The following STXBP4 variants were observed in gnomAD, a reference collection of about 807,000 sequenced individuals.
STXBP4 encodes syntaxin-binding protein 4.
In STXBP4, 55 loss-of-function variants were observed where a neutral mutation model predicts 76.1. The ratio of observed to expected loss-of-function variants is 0.72; its 90% CI spans 0.58 to 0.91. The LOEUF (loss-of-function observed/expected upper bound fraction) is 0.91, where lower values mean the gene tolerates loss of function less well. STXBP4 is among the 40% of genes least tolerant of loss of function. The pLI, the probability that STXBP4 is intolerant of heterozygous loss-of-function variation, is 0.00. For synonymous variants in STXBP4, 201 were observed against 220.2 expected (o/e 0.91, Z 0.77); for missense variants, 618 against 636.9 (o/e 0.97, Z 0.32).
At chr17:55,107,648 G>A (rs868648507) in intron 16 of STXBP4, among the ~76,000 whole-genome samples, 4 of 152,226 alleles carry the variant, frequency 2.6e-5, no homozygotes, top group East Asian at 1.9e-4. Flanking sequence ...CTTTCTGTTC[G>A]TTAGTTTTCC....
At chr17:55,152,819 C>T (rs1273053853) in intron 17 of STXBP4, among the ~76,000 whole-genome samples, 1 of 152,090 alleles carries the variant, frequency 6.6e-6, no homozygotes, top group Non-Finnish European at 1.5e-5. Context: ...TATCATATGG[C>T]AAATACTTTA....
At chr17:55,132,838 A>G (rs2079987509) in intron 16 of STXBP4, among the ~76,000 whole-genome samples, 1 of 152,158 alleles carries the variant, frequency 6.6e-6, no homozygotes, top group African/African-American at 2.4e-5. Context: ...CAGACCCTGA[A>G]AGGAAATGAC....
intron 8 of STXBP4, among the ~76,000 whole-genome samples, chr17:55,027,233 C>T (rs1341012739): frequency 6.6e-6 from 1 of 152,194 alleles, no homozygotes; most frequent in Non-Finnish European, 1.5e-5. Flanking sequence ...AGAGCACGGA[C>T]TTGCCTGACC....
intron 16 of STXBP4, among the ~76,000 whole-genome samples, chr17:55,086,659 CCA>C (rs2079336230): frequency 6.6e-6 from 1 of 152,076 alleles, no homozygotes; most frequent in South Asian, 2.1e-4. Context: ...TTTTCCTTAT[CCA>C]TTCGTCTGTT....
intron 17 of STXBP4, among the ~76,000 whole-genome samples, chr17:55,146,433 C>T (rs562372125): frequency 1.5e-3 from 235 of 152,142 alleles, no homozygotes; most frequent in African/African-American, 4.0e-3. Flanking sequence ...TTAGTGAGGC[C>T]GGGCGTGGTG....
chr17:55,200,863 AAAAT>A, the STXBP4 span, among the ~76,000 whole-genome samples: 1 of 152,192 alleles, frequency 6.6e-6, no homozygotes, highest in Non-Finnish European at 1.5e-5. Context: ...TTAGAAACAA[AAAAT>A]AAACCATAAA....
the STXBP4 span, among the ~76,000 whole-genome samples, chr17:55,184,055 G>A: frequency 5.3e-5 from 8 of 151,872 alleles, no homozygotes; most frequent in African/African-American, 1.9e-4. Flanking sequence ...ACATGAAGTA[G>A]TTATAAAACT....
At chr17:55,192,591 G>A in the STXBP4 span, among the ~76,000 whole-genome samples, 12 of 152,282 alleles carry the variant, frequency 7.9e-5, no homozygotes, top group African/African-American at 2.6e-4. Flanking sequence ...AATACCTGAA[G>A]AGGGGAGAAA....
chr17:55,032,523 T>C (rs1446366348), intron 9 of STXBP4, among the ~76,000 whole-genome samples: 1 of 152,154 alleles, frequency 6.6e-6, no homozygotes, highest in Non-Finnish European at 1.5e-5. Context: ...ATCAAGTACT[T>C]CTGGAGACTG....
At chr17:55,021,909 C>A (rs2078319604) in intron 8 of STXBP4, among the ~76,000 whole-genome samples, 1 of 151,918 alleles carries the variant, frequency 6.6e-6, no homozygotes, top group Non-Finnish European at 1.5e-5. Context: ...GGCAATAATT[C>A]CTCATTTAAG....
At chr17:55,209,463 T>G in the STXBP4 span, among the ~76,000 whole-genome samples, 3 of 152,150 alleles carry the variant, frequency 2.0e-5, no homozygotes, top group Admixed American at 6.5e-5. Context: ...GGGCCAGAGC[T>G]GGGGAGTCAG....
intron 4 of STXBP4, among the ~76,000 whole-genome samples, chr17:54,996,491 G>A (rs2077805851): frequency 6.6e-6 from 1 of 151,920 alleles, no homozygotes; most frequent in Non-Finnish European, 1.5e-5. Flanking sequence ...AATTAAATTT[G>A]CTATCAGTAT....
intron 12 of STXBP4, among the ~76,000 whole-genome samples, chr17:55,051,775 G>A (rs2078862811): frequency 6.6e-6 from 1 of 151,886 alleles, no homozygotes; most frequent in Non-Finnish European, 1.5e-5. Context: ...AAAGAAAGAA[G>A]GAAAGAACCC....
chr17:55,176,140 A>G (rs1028048957), downstream of STXBP4, among the ~76,000 whole-genome samples: 2 of 152,204 alleles, frequency 1.3e-5, no homozygotes, highest in Non-Finnish European at 2.9e-5. Context: ...GATGCTGCCC[A>G]TGGATGAGAT....
chr17:55,018,090 T>TG (rs2078240174), intron 8 of STXBP4, among the ~76,000 whole-genome samples: 2 of 152,284 alleles, frequency 1.3e-5, no homozygotes, highest in Non-Finnish European at 2.9e-5. Flanking sequence ...CTTGGGTTCT[T>TG]GGCCTCATGG....
downstream of STXBP4, among the ~76,000 whole-genome samples, chr17:55,174,642 TA>T (rs531580195): frequency 9.7e-4 from 148 of 152,328 alleles, 1 homozygote; most frequent in Non-Finnish European, 1.6e-3. Context: ...AACTTTTCCA[TA>T]TTTCACCTAT....
intron 16 of STXBP4, among the ~76,000 whole-genome samples, chr17:55,096,594 T>C (rs967803127): frequency 9.9e-5 from 15 of 152,060 alleles, no homozygotes; most frequent in African/African-American, 3.1e-4. Context: ...TGTTTTTTTA[T>C]TGGAAACTTT....
At chr17:55,017,763 G>A (rs1017334712) in intron 8 of STXBP4, among the ~76,000 whole-genome samples, 2 of 152,156 alleles carry the variant, frequency 1.3e-5, no homozygotes, top group African/African-American at 4.8e-5. Flanking sequence ...AGCGGAAGCT[G>A]GTTCTAGGCA....
chr17:54,992,705 C>CTTTTT (rs760386476), intron 4 of STXBP4, among the ~76,000 whole-genome samples: 19 of 96,832 alleles, frequency 2.0e-4, no homozygotes, highest in East Asian at 1.5e-3. Context: ...AATTTGCTTC[C>CTTTTT]TTTTTTTTTT....
Sources: gnomAD v4.1 joint callset for allele counts (sites outside exome capture counted in the v4.1 genomes callset) on GRCh38, gnomAD v4.1.1 for gene constraint, MANE v1.5 for transcripts, NCBI Gene and HGNC (gene_info 2026-07-23, HGNC 2026-07-21) for gene names.